CSMD1: variants seen among roughly 807,000 people sequenced by gnomAD.
The protein encoded by CSMD1 is CUB and sushi domain-containing protein 1.
CSMD1 carries 213 observed loss-of-function variants against 417.5 expected under a neutral mutation model. The observed-to-expected ratio is 0.51, with a 90% confidence interval of 0.46 to 0.57. The LOEUF is 0.57. CSMD1 is among the 20% of genes least tolerant of loss of function. The pLI is 0.00. For missense variants in CSMD1, 6,923 were observed against 4,529.7 expected, an observed-to-expected ratio of 1.53 and a Z score of -15.17; for synonymous variants, 2,862 against 1,736.8, an observed-to-expected ratio of 1.65 and a Z score of -16.11.
At chr8:3,030,931 C>G (rs549936703) in intron 50 of CSMD1, among the ~76,000 whole-genome samples, 2 of 151,938 alleles carry the variant, frequency 1.3e-5, no homozygotes, top group African/African-American at 4.8e-5. Flanking sequence ...ATCATCACAA[C>G]AGTAACAATG....
At chr8:4,173,672 C>A (rs77586006) in intron 3 of CSMD1, among the ~76,000 whole-genome samples, 1 of 152,028 alleles carries the variant, frequency 6.6e-6, no homozygotes, top group Non-Finnish European at 1.5e-5. Context: ...ACTGTGATAA[C>A]TGTAGTAGGA....
intron 26 of CSMD1, among the ~76,000 whole-genome samples, chr8:3,255,188 A>G (rs968014737): frequency 6.6e-6 from 1 of 152,090 alleles, no homozygotes; most frequent in African/African-American, 2.4e-5. Context: ...AGCAGTGGAT[A>G]TTGGTGAACA....
chr8:3,246,997 T>C (rs1799926459), intron 26 of CSMD1, among the ~76,000 whole-genome samples: 1 of 152,226 alleles, frequency 6.6e-6, no homozygotes, highest in Non-Finnish European at 1.5e-5. Flanking sequence ...CAAGAGTTAT[T>C]ACCTTTGTGG....
At chr8:3,674,820 C>A (rs773649098) in intron 7 of CSMD1, among the ~76,000 whole-genome samples, 2 of 152,094 alleles carry the variant, frequency 1.3e-5, no homozygotes, top group African/African-American at 2.4e-5. Context: ...TGAGGCTGCA[C>A]TGAAGTTATC....
chr8:4,362,900 T>C (rs534781301), intron 3 of CSMD1, among the ~76,000 whole-genome samples: 2 of 152,334 alleles, frequency 1.3e-5, no homozygotes, highest in South Asian at 4.1e-4. Flanking sequence ...AGTAATTTAA[T>C]TAAATGTAAA....
intron 5 of CSMD1, among the ~76,000 whole-genome samples, chr8:3,920,423 G>GAATTTTACTGTAACTGTAAAATTA (rs1809160778): frequency 6.6e-6 from 1 of 151,882 alleles, no homozygotes; most frequent in African/African-American, 2.4e-5. Context: ...TGTAACATCT[G>GAATTTTACTGTAACTGTAAAATTA]AAAACATAAA....
intron 10 of CSMD1, among the ~76,000 whole-genome samples, chr8:3,563,247 G>A (rs79648941): frequency 0.054 from 8,232 of 151,628 alleles, 363 homozygotes; most frequent in East Asian, 0.19. Flanking sequence ...CGCACAAACC[G>A]GGATTTTAGT....
intron 1 of CSMD1, among the ~76,000 whole-genome samples, chr8:4,846,310 T>G (rs1449575464): frequency 1.3e-5 from 2 of 152,220 alleles, no homozygotes; most frequent in South Asian, 2.1e-4. Flanking sequence ...TACCTTACTA[T>G]CTAACAGCCT....
At chr8:4,760,467 G>C (rs1429702258) in intron 1 of CSMD1, among the ~76,000 whole-genome samples, 1 of 152,052 alleles carries the variant, frequency 6.6e-6, no homozygotes, top group Admixed American at 6.6e-5. Context: ...ATATGCTACT[G>C]ACTAATCCTG....
intron 26 of CSMD1, among the ~76,000 whole-genome samples, chr8:3,240,149 G>T (rs1461890202): frequency 6.6e-6 from 1 of 152,128 alleles, no homozygotes; most frequent in African/African-American, 2.4e-5. Context: ...TGGGTAAAAA[G>T]GCTACTCGGT....
chr8:4,001,529 C>G (rs759939864), intron 4 of CSMD1, among the ~76,000 whole-genome samples: 3 of 152,174 alleles, frequency 2.0e-5, no homozygotes, highest in Non-Finnish European at 2.9e-5. Context: ...CAACCCTGAT[C>G]AAATGAGCAT....
intron 48 of CSMD1, among the ~76,000 whole-genome samples, chr8:3,088,319 CT>C (rs1814686550): frequency 6.6e-6 from 1 of 152,210 alleles, no homozygotes; most frequent in African/African-American, 2.4e-5. Flanking sequence ...TAGGAACTCA[CT>C]TCAGATGAAT....
At chr8:4,906,387 G>C (rs553119501) in intron 1 of CSMD1, among the ~76,000 whole-genome samples, 1 of 152,300 alleles carries the variant, frequency 6.6e-6, no homozygotes, top group African/African-American at 2.4e-5. Context: ...AGAACACTGA[G>C]TTGTCAAAGG....
chr8:3,914,434 A>C (rs576740721), intron 5 of CSMD1, among the ~76,000 whole-genome samples: 7 of 152,182 alleles, frequency 4.6e-5, no homozygotes, highest in South Asian at 2.1e-4. Flanking sequence ...CCATGTTCTA[A>C]ATCTTCTATT....
intron 2 of CSMD1, among the ~76,000 whole-genome samples, chr8:4,458,978 C>G (rs897750566): frequency 1.3e-5 from 2 of 152,196 alleles, no homozygotes; most frequent in Admixed American, 6.5e-5. Context: ...CCAAGAACAT[C>G]TCAGTGAGGA....
chr8:3,952,100 C>G (rs1013808438), intron 5 of CSMD1, among the ~76,000 whole-genome samples: 5 of 152,078 alleles, frequency 3.3e-5, no homozygotes, highest in African/African-American at 1.2e-4. Flanking sequence ...CTTTAAATTT[C>G]CGACAGAAAG....
chr8:4,961,256 C>T (rs1180283469), intron 1 of CSMD1, among the ~76,000 whole-genome samples: 1 of 152,138 alleles, frequency 6.6e-6, no homozygotes, highest in Non-Finnish European at 1.5e-5. Flanking sequence ...ATAAAATCCT[C>T]AAAATATTTT....
At chr8:3,125,348 T>A (rs1817445639) in intron 41 of CSMD1, among the ~76,000 whole-genome samples, 1 of 152,226 alleles carries the variant, frequency 6.6e-6, no homozygotes, top group Non-Finnish European at 1.5e-5. Flanking sequence ...GAGGCGTCAA[T>A]CTGCTGTCAG....
At chr8:4,245,513 C>A (rs544206402) in intron 3 of CSMD1, among the ~76,000 whole-genome samples, 1 of 152,240 alleles carries the variant, frequency 6.6e-6, no homozygotes, top group South Asian at 2.1e-4. Context: ...TTGGATGTTT[C>A]CCAATCCATG....
Sources: gnomAD v4.1 joint callset for allele counts (sites outside exome capture counted in the v4.1 genomes callset) on GRCh38, gnomAD v4.1.1 for gene constraint, MANE v1.5 for transcripts, NCBI Gene and HGNC (gene_info 2026-07-23, HGNC 2026-07-21) for gene names.